DNAAF11: variants seen among roughly 807,000 people sequenced by gnomAD.
DNAAF11 encodes the protein dynein axonemal assembly factor 11.
In DNAAF11, 45 loss-of-function variants were observed where a neutral mutation model predicts 60.8. The ratio of observed to expected loss-of-function variants is 0.74; its 90% confidence interval spans 0.58 to 0.95. DNAAF11 has a LOEUF of 0.95. Among genes scored for constraint, DNAAF11 ranks in the 40% least tolerant of loss-of-function variants. The pLI is 0.00. For synonymous variants in DNAAF11, 191 were observed against 183.5 expected (o/e 1.04, Z -0.33); for missense variants, 546 against 546.2 (o/e 1.00, Z 0.00).
chr8:132,596,005 G>A (rs1312375923), intron 10 of DNAAF11, among the ~76,000 whole-genome samples: 2 of 152,140 alleles, frequency 1.3e-5, no homozygotes, highest in Non-Finnish European at 2.9e-5. Context: ...TCATTGACTT[G>A]AACAACTGTG....
At chr8:132,619,206 C>A (rs183617669) in intron 7 of DNAAF11, among the ~76,000 whole-genome samples, 1 of 151,614 alleles carries the variant, frequency 6.6e-6, no homozygotes, top group Non-Finnish European at 1.5e-5. Flanking sequence ...GAACAAAAAA[C>A]CAAACACCAC....
intron 7 of DNAAF11, among the ~76,000 whole-genome samples, chr8:132,619,058 A>T (rs1489659424): frequency 6.6e-6 from 1 of 152,194 alleles, no homozygotes; most frequent in Non-Finnish European, 1.5e-5. Flanking sequence ...CAAATGTCCA[A>T]CAATGATAGA....
chr8:132,662,714 T>C (rs1204311420), intron 1 of DNAAF11, among the ~76,000 whole-genome samples: 1 of 152,184 alleles, frequency 6.6e-6, no homozygotes, highest in Non-Finnish European at 1.5e-5. Context: ...TTTAAATTCA[T>C]GGTTTAGTGC....
chr8:132,665,103 T>C (rs145586171), intron 1 of DNAAF11, among the ~76,000 whole-genome samples: 14 of 152,218 alleles, frequency 9.2e-5, no homozygotes, highest in Non-Finnish European at 2.1e-4. Flanking sequence ...GATGTGGAAA[T>C]TTCCCAGCAG....
chr8:132,673,570 C>G (rs1825396431), intron 1 of DNAAF11, among the ~76,000 whole-genome samples: 1 of 152,152 alleles, frequency 6.6e-6, no homozygotes, highest in Non-Finnish European at 1.5e-5. Context: ...TCAGGCCTTC[C>G]TTATCTCTTT....
chr8:132,683,393 A>G, the DNAAF11 span, among the ~76,000 whole-genome samples: 1 of 152,182 alleles, frequency 6.6e-6, no homozygotes, highest in African/African-American at 2.4e-5. Context: ...GCCCCCTCTG[A>G]GCCCATTGAG....
At chr8:132,579,038 G>A (rs758757760) in intron 11 of DNAAF11, among the ~76,000 whole-genome samples, 1 of 152,226 alleles carries the variant, frequency 6.6e-6, no homozygotes, top group Non-Finnish European at 1.5e-5. Flanking sequence ...GTGGGGCAGA[G>A]GAAAACTGAG....
chr8:132,655,247 T>C lies in DNAAF11; in HGVS notation c.256+1583A>G, dbSNP rs1189908087. Among the ~76,000 whole-genome samples the C allele has an allele frequency of 2.0e-5, 3 of 151,990 alleles. No homozygotes were observed. In the East Asian group the frequency reaches 5.8e-4, roughly 29 times the overall value. On this transcript the variant is annotated intron_variant, in intron 3 of 11. Coordinates refer to ENST00000620350, the MANE Select transcript of DNAAF11 (RefSeq NM_012472.6). The stretch of plus-strand genomic sequence containing the variant: ...TCTGAATAGACCTATAATAAGAGAT[T>C]AAATTAATAATCAATAAACTTTCCC...
the DNAAF11 span, among the ~76,000 whole-genome samples, chr8:132,695,669 T>C: frequency 6.6e-6 from 1 of 152,066 alleles, no homozygotes; most frequent in South Asian, 2.1e-4. Flanking sequence ...TAATAGGACT[T>C]AGTAAGATGA....
chr8:132,691,934 C>A, the DNAAF11 span, among the ~76,000 whole-genome samples: 1 of 152,250 alleles, frequency 6.6e-6, no homozygotes, highest in African/African-American at 2.4e-5. Flanking sequence ...GATGCAGCCG[C>A]CTCGCCTATG....
the DNAAF11 span, among the ~76,000 whole-genome samples, chr8:132,692,754 G>A: frequency 0.026 from 3,890 of 152,154 alleles, 71 homozygotes; most frequent in Non-Finnish European, 0.042. Flanking sequence ...AGGTCCATTC[G>A]CAACCTCCAC....
At chr8:132,682,807 G>A in the DNAAF11 span, among the ~76,000 whole-genome samples, 38 of 152,226 alleles carry the variant, frequency 2.5e-4, no homozygotes, top group African/African-American at 8.7e-4. Context: ...TCTGGTAAGG[G>A]CTTCAGGCCG....
At chr8:132,641,530 G>T (rs1310831814) in intron 3 of DNAAF11, among the ~76,000 whole-genome samples, 1 of 152,126 alleles carries the variant, frequency 6.6e-6, no homozygotes, top group East Asian at 1.9e-4. Flanking sequence ...ATGAAGAGAT[G>T]GGAGGAGGAA....
chr8:132,576,662 C>T (rs953321291), intron 11 of DNAAF11, among the ~76,000 whole-genome samples: 5 of 152,156 alleles, frequency 3.3e-5, no homozygotes, highest in Non-Finnish European at 2.9e-5. Flanking sequence ...AAAGGAAATG[C>T]TCATTGGAGC....
intron 7 of DNAAF11, among the ~76,000 whole-genome samples, chr8:132,617,406 G>A (rs1012110708): frequency 2.8e-4 from 43 of 152,196 alleles, no homozygotes; most frequent in African/African-American, 9.6e-4. Flanking sequence ...TGGTACTGAA[G>A]CAATTGTGAA....
chr8:132,630,299 G>C (rs1336792924), intron 5 of DNAAF11, among the ~76,000 whole-genome samples: 1 of 152,170 alleles, frequency 6.6e-6, no homozygotes, highest in Non-Finnish European at 1.5e-5. Context: ...AGAGCTCAGA[G>C]ATGAACCCAT....
chr8:132,599,443 A>T (rs560873449), intron 10 of DNAAF11, among the ~76,000 whole-genome samples: 20 of 152,348 alleles, frequency 1.3e-4, no homozygotes, highest in Non-Finnish European at 2.2e-4. Context: ...CATCATCCTG[A>T]TACCAAAGCC....
At chr8:132,597,108 C>G (rs942696159) in intron 10 of DNAAF11, among the ~76,000 whole-genome samples, 2 of 152,180 alleles carry the variant, frequency 1.3e-5, no homozygotes, top group Non-Finnish European at 2.9e-5. Flanking sequence ...GTGTTTGGAG[C>G]CTTTGCAGTC....
intron 6 of DNAAF11, among the ~76,000 whole-genome samples, chr8:132,622,978 G>C (rs1254989186): frequency 6.6e-6 from 1 of 152,144 alleles, no homozygotes; most frequent in Non-Finnish European, 1.5e-5. Context: ...TCCTTTTCAT[G>C]AATGTCTATT....
Sources: allele counts gnomAD v4.1 joint callset (sites outside exome capture counted in the v4.1 genomes callset), GRCh38; gene constraint gnomAD v4.1.1; transcripts MANE v1.5; gene names NCBI Gene and HGNC (gene_info 2026-07-23, HGNC 2026-07-21).